MTMR14: variants seen among roughly 807,000 people sequenced by gnomAD.
MTMR14 encodes myotubularin related protein 14.
In MTMR14, 48 loss-of-function variants were observed where a neutral mutation model predicts 86.3. The observed-to-expected ratio is 0.56, with a 90% CI of 0.44 to 0.71. The LOEUF (loss-of-function observed/expected upper bound fraction) is 0.71. Among genes scored for constraint, MTMR14 ranks in the 30% least tolerant of loss-of-function variants. MTMR14 has a pLI of 0.00. For missense variants in MTMR14, 780 were observed against 834.6 expected (o/e 0.93, Z 0.81); for synonymous variants, 366 against 326.1 (o/e 1.12, Z -1.32).
chr3:9,672,119 G>C (rs1360749638), intron 6 of MTMR14, among the ~76,000 whole-genome samples: 1 of 152,216 alleles, frequency 6.6e-6, no homozygotes, highest in Non-Finnish European at 1.5e-5. Context: ...TGGCTACACT[G>C]TGTGCATTTT....
At chr3:9,670,921 G>A (rs1307990978) in intron 5 of MTMR14, 127 bp from the exon 6 acceptor site, 19 of 1,234,106 alleles carry the variant, frequency 1.5e-5, no homozygotes, top group Middle Eastern at 1.9e-4. Flanking sequence ...GCACCCATGC[G>A]TCCACCTAGC....
rs753021652 is a variant in MTMR14, at chr3:9,687,903, C to T, written c.1235+12C>T. ...CTGAAGACCCAGAGGTAAGTGGAGGCCTGCACGTGTCATGCTGGGCCAGGG... is the reference window on the plus strand; with the variant it reads ...CTGAAGACCCAGAGGTAAGTGGAGGTCTGCACGTGTCATGCTGGGCCAGGG... On this transcript the variant is annotated intron_variant, in intron 14 of 18. Coordinates refer to ENST00000296003, the MANE Select transcript of MTMR14 (RefSeq NM_001077525.3). 1.0e-4 allele frequency: 162 copies of T among 1,581,630 alleles called. No homozygotes were observed. Among genetic ancestry groups the T allele is most frequent in the Non-Finnish European group, 1.4e-4 (160 of 1,161,498 alleles).
At chr3:9,686,180 T>C (rs1314525962) in intron 13 of MTMR14, among the ~76,000 whole-genome samples, 3 of 152,214 alleles carry the variant, frequency 2.0e-5, no homozygotes, top group African/African-American at 7.2e-5. Flanking sequence ...ACTTATCGCG[T>C]CTGCCAGGGC....
Position 9,677,909 on chromosome 3 carries a change from G to A in MTMR14, c.823-75G>A. 1 of 1,362,890 alleles carries A rather than the reference G, an allele frequency of 7.3e-7. No homozygotes were observed. Among genetic ancestry groups the A allele is most frequent in the South Asian group, 1.2e-5 (1 of 80,532 alleles). The allele number at this position is 1,362,890 out of a possible 1,614,324, so 84.4% of individuals were successfully genotyped here. ...CTGCCTGTGGTAGTCACAGCCTCAGGACTGCAAGCTTCCCCATCACCTAAG... is the reference window on the plus strand; with the variant it reads ...CTGCCTGTGGTAGTCACAGCCTCAGAACTGCAAGCTTCCCCATCACCTAAG... On this transcript the variant is annotated intron_variant, in intron 8 of 18. Coordinates refer to ENST00000296003, the MANE Select transcript of MTMR14 (RefSeq NM_001077525.3). The surrounding 1 kb of genome is among the most constrained non-coding windows in gnomAD (Gnocchi z 4.2).
Position 9,685,348 on chromosome 3 carries a change from C to T in MTMR14, c.1164+101C>T, listed in dbSNP as rs2075905402. Reference sequence around the variant, plus strand: ...ACGTGTTAGGGGCAGCTCCTTGCCCCAGGTGTGCAGGGATGTGGCCCCCTG... The same window carrying T: ...ACGTGTTAGGGGCAGCTCCTTGCCCTAGGTGTGCAGGGATGTGGCCCCCTG... On this transcript the variant is annotated intron_variant, in intron 13 of 18. Transcript: ENST00000296003. The T allele has an allele frequency of 4.9e-6, 7 of 1,414,978 alleles. No individual in the cohort carries two copies. In the South Asian group the frequency reaches 5.8e-5, roughly 12 times the overall value. 87.7% of individuals were successfully genotyped at this position (1,414,978 alleles called of 1,614,324 possible).
At chr3:9,663,756 TC>T (rs575053087) in intron 3 of MTMR14, among the ~76,000 whole-genome samples, 28 of 151,600 alleles carry the variant, frequency 1.8e-4, no homozygotes, top group Admixed American at 7.9e-4. Flanking sequence ...CTTGTGATCC[TC>T]CTGCCTCGGC....
At chr3:9,653,819 T>C (rs1438607957) in intron 2 of MTMR14, 50 bp downstream of exon 2, 3 of 1,612,490 alleles carry the variant, frequency 1.9e-6, no homozygotes, top group Non-Finnish European at 2.5e-6. Context: ...CCGTGGCAGC[T>C]AATCCCTGTG....
At chr3:9,699,688 C>CT (rs1020290805) in intron 18 of MTMR14, 11 of 152,272 alleles carry the variant, frequency 7.2e-5, no homozygotes, top group African/African-American at 2.4e-4. Context: ...AACCTCTCCT[C>CT]TTTTCTCATC....
chr3:9,689,674 A>G (rs1011112607), intron 16 of MTMR14, among the ~76,000 whole-genome samples: 1 of 152,204 alleles, frequency 6.6e-6, no homozygotes, highest in African/African-American at 2.4e-5. Flanking sequence ...TAGAGGGGGA[A>G]AAAAGATTTT....
intron 3 of MTMR14, among the ~76,000 whole-genome samples, chr3:9,663,881 C>T (rs1369810675): frequency 2.0e-5 from 3 of 151,238 alleles, no homozygotes; most frequent in Non-Finnish European, 2.9e-5. Context: ...CTCCACCTCC[C>T]GGGTTCAAGC....
chr3:9,659,744 A>G (rs1456911005), intron 2 of MTMR14: 1 of 456,440 alleles, frequency 2.2e-6, no homozygotes, highest in Admixed American at 2.3e-5. Context: ...GCCTGGCCAG[A>G]AACTGAATTG....
intron 4 of MTMR14, 128 bp downstream of exon 4, chr3:9,668,922 G>A (rs972754991): frequency 3.0e-5 from 28 of 942,176 alleles, no homozygotes; most frequent in Non-Finnish European, 3.9e-5. Context: ...AGCGGATCCC[G>A]AGGTCAGGAG....
intron 7 of MTMR14, among the ~76,000 whole-genome samples, chr3:9,672,990 C>G (rs947687989): frequency 2.0e-5 from 3 of 152,196 alleles, no homozygotes; most frequent in African/African-American, 7.2e-5. Flanking sequence ...TGTCACTGGT[C>G]CTAGCCACAG....
rs1343372829 is a variant in MTMR14, at chr3:9,688,740, A to C, written c.1280A>C (p.Asp427Ala). Residue 427 changes from aspartate (D) to alanine (A), a missense_variant, in exon 15 of 19, where the codon GAC becomes GCC. Asp to Ala is a moderately radical substitution (Grantham distance 126, BLOSUM62 -2). Coordinates refer to ENST00000296003, the MANE Select transcript of MTMR14 (RefSeq NM_001077525.3). The part of the protein sequence containing the change: ...PARDGGFTLE[D>A]ICMLRRKDRG... ...CGGGATGGAGGCTTCACCCTGGAAG[A>C]CATCTGCATGCTGAGTGAGTCCTGG... 1 of 1,614,088 alleles carries C rather than the reference A, an allele frequency of 6.2e-7. No individual in the cohort carries two copies. The highest frequency in any genetic ancestry group is 2.2e-5 in the East Asian group (1 of 44,878).
intron 3 of MTMR14, 138 bp downstream of exon 3, chr3:9,662,513 C>T (rs754337910): frequency 7.8e-5 from 58 of 742,042 alleles, no homozygotes; most frequent in Non-Finnish European, 1.4e-4. Context: ...GGAAGCAGTC[C>T]AGAGAAACAG....
chr3:9,668,859 G>A (rs1254132971), intron 4 of MTMR14, 65 bp downstream of exon 4: 5 of 1,552,698 alleles, frequency 3.2e-6, no homozygotes, highest in Non-Finnish European at 4.4e-6. Context: ...AGCTACCCGG[G>A]CCGGGCGCCA....
chr3:9,657,839 G>A (rs1484859430), intron 2 of MTMR14, among the ~76,000 whole-genome samples: 4 of 152,112 alleles, frequency 2.6e-5, no homozygotes, highest in Non-Finnish European at 2.9e-5. Context: ...ATGAGCCACC[G>A]CGCCTGGCCC....
intron 4 of MTMR14, 92 bp downstream of exon 4, chr3:9,668,886 T>C: frequency 1.5e-6 from 2 of 1,333,178 alleles, no homozygotes; most frequent in Non-Finnish European, 2.2e-6. Context: ...ACGCCTGTAA[T>C]CTCAACACTT....
chr3:9,656,001 C>T (rs940683631), intron 2 of MTMR14, among the ~76,000 whole-genome samples: 1 of 151,950 alleles, frequency 6.6e-6, no homozygotes. Context: ...TTGAGACCAT[C>T]CTGGCCAACA....
Sources: gnomAD v4.1 joint callset for allele counts (sites outside exome capture counted in the v4.1 genomes callset) on GRCh38, gnomAD v4.1.1 for gene constraint, Gnocchi (gnomAD v3.1) non-coding constraint, MANE v1.5 for transcripts, NCBI Gene and HGNC (gene_info 2026-07-23, HGNC 2026-07-21) for gene names.